The following MSRA variants were observed in gnomAD, a reference collection of about 807,000 sequenced individuals.
The protein encoded by MSRA is mitochondrial peptide methionine sulfoxide reductase.
A neutral mutation model predicts 31.3 loss-of-function variants in MSRA; 54 were observed. The ratio of observed to expected loss-of-function variants is 1.73; its 90% CI spans 1.39 to 2.17. The LOEUF is 2.17. MSRA is among the 30% of genes most tolerant of loss of function. The probability of loss-of-function intolerance (pLI) is 0.00; values close to 1 mark genes in which losing one functional copy is unlikely to be tolerated. For missense variants in MSRA, 507 were observed against 300.9 expected, an observed-to-expected ratio of 1.69 and a Z score of -5.07; for synonymous variants, 169 against 116.5, an observed-to-expected ratio of 1.45 and a Z score of -2.90.
chr8:10,088,538 C>T (rs570927404), intron 1 of MSRA, among the ~76,000 whole-genome samples: 2 of 152,212 alleles, frequency 1.3e-5, no homozygotes, highest in East Asian at 3.9e-4. Context: ...AGTTCGAGAC[C>T]AGCCCAGCCA....
rs1018624584 is a variant in MSRA, at chr8:10,113,705, A to C, written c.142+59047A>C. On this transcript the variant is annotated intron_variant, in intron 1 of 5. Transcript: ENST00000317173. ...TGGAAGACTGTTAATTTATGGTGAC[A>C]CCAATCTGTGAGTTCAGGAGATTGT... 2.1e-3 allele frequency among the ~76,000 whole-genome samples: 324 copies of C among 151,900 alleles called. 3 individuals are homozygous for C. Among genetic ancestry groups the C allele is most frequent in the Non-Finnish European group, 3.4e-3 (230 of 67,950 alleles).
At chr8:10,341,506 G>C (rs536495538) in intron 5 of MSRA, among the ~76,000 whole-genome samples, 5 of 152,304 alleles carry the variant, frequency 3.3e-5, no homozygotes, top group Admixed American at 6.5e-5. Flanking sequence ...CAGGACTGGA[G>C]ATGACATTTC....
At chr8:10,314,627 A>T (rs11249986) in intron 4 of MSRA, among the ~76,000 whole-genome samples, 1 of 152,150 alleles carries the variant, frequency 6.6e-6, no homozygotes, top group Non-Finnish European at 1.5e-5. Context: ...TGCAAACACT[A>T]TACAGCAACA....
At chr8:10,163,847 G>T (rs1431168607) in intron 1 of MSRA, among the ~76,000 whole-genome samples, 3 of 152,238 alleles carry the variant, frequency 2.0e-5, no homozygotes, top group Non-Finnish European at 1.5e-5. Context: ...GCACAGACCA[G>T]TGTGGCCCCT....
At chr8:10,103,759 G>C (rs1799687109) in intron 1 of MSRA, among the ~76,000 whole-genome samples, 1 of 151,336 alleles carries the variant, frequency 6.6e-6, no homozygotes, top group African/African-American at 2.4e-5. Flanking sequence ...CCTTCAAATA[G>C]ATAGCAAAGT....
intron 5 of MSRA, among the ~76,000 whole-genome samples, chr8:10,325,824 C>G (rs1343802658): frequency 6.6e-6 from 1 of 152,174 alleles, no homozygotes; most frequent in African/African-American, 2.4e-5. Flanking sequence ...GAGGTGACCC[C>G]CGGACTGGGC....
At chr8:10,317,091 T>C (rs1011543459) in intron 4 of MSRA, among the ~76,000 whole-genome samples, 1 of 152,200 alleles carries the variant, frequency 6.6e-6, no homozygotes, top group Non-Finnish European at 1.5e-5. Flanking sequence ...GGAGTCACTC[T>C]GTTTTCAACC....
chr8:10,296,694 G>T (rs1174734698), intron 3 of MSRA, among the ~76,000 whole-genome samples: 1 of 152,204 alleles, frequency 6.6e-6, no homozygotes, highest in Non-Finnish European at 1.5e-5. Flanking sequence ...ACTGTGCATA[G>T]AGTGGTTGGG....
chr8:10,117,339 C>T (rs1209296110), intron 1 of MSRA, among the ~76,000 whole-genome samples: 1 of 152,080 alleles, frequency 6.6e-6, no homozygotes, highest in Admixed American at 6.6e-5. Flanking sequence ...CTAGAAGGGG[C>T]AACAAACACA....
At chr8:10,056,524 CTTTT>C (rs58900236) in intron 1 of MSRA, among the ~76,000 whole-genome samples, 7 of 138,242 alleles carry the variant, frequency 5.1e-5, no homozygotes, top group Non-Finnish European at 6.1e-5. Flanking sequence ...GGCCAGTAAA[CTTTT>C]TTTTTTTTTT....
intron 5 of MSRA, among the ~76,000 whole-genome samples, chr8:10,427,236 G>GC (rs1809232959): frequency 6.6e-6 from 1 of 152,170 alleles, no homozygotes; most frequent in Non-Finnish European, 1.5e-5. Flanking sequence ...GTGGCCGTGT[G>GC]CTCACATGCT....
chr8:10,093,949 C>T (rs536516352), intron 1 of MSRA, among the ~76,000 whole-genome samples: 1 of 152,328 alleles, frequency 6.6e-6, no homozygotes, highest in East Asian at 1.9e-4. Flanking sequence ...TTTCTGGTCT[C>T]CATGGTTTTC....
chr8:10,363,980 A>G (rs1357294558), intron 5 of MSRA, among the ~76,000 whole-genome samples: 1 of 152,066 alleles, frequency 6.6e-6, no homozygotes, highest in Non-Finnish European at 1.5e-5. Context: ...TATTTACCTA[A>G]CTGAGGGTGG....
chr8:10,108,898 C>T (rs1191726469), intron 1 of MSRA, among the ~76,000 whole-genome samples: 1 of 152,132 alleles, frequency 6.6e-6, no homozygotes, highest in African/African-American at 2.4e-5. Flanking sequence ...GTAGGCAGCC[C>T]TCCCACCTCA....
chr8:10,135,160 C>G (rs1250782822), intron 1 of MSRA, among the ~76,000 whole-genome samples: 1 of 152,210 alleles, frequency 6.6e-6, no homozygotes, highest in Middle Eastern at 3.2e-3. Flanking sequence ...TTGTAATACA[C>G]AATTCTTTAT....
intron 2 of MSRA, among the ~76,000 whole-genome samples, chr8:10,224,921 C>T (rs1810861888): frequency 6.6e-6 from 1 of 152,142 alleles, no homozygotes; most frequent in Non-Finnish European, 1.5e-5. Context: ...GGAGGATCAC[C>T]TGAGGTCAGG....
chr8:10,285,244 C>T (rs1199352287), intron 3 of MSRA, among the ~76,000 whole-genome samples: 2 of 152,172 alleles, frequency 1.3e-5, no homozygotes, highest in Non-Finnish European at 2.9e-5. Context: ...GCCACCCTTC[C>T]CAATCTTACG....
At chr8:10,266,285 T>C (rs1225173908) in intron 3 of MSRA, among the ~76,000 whole-genome samples, 3 of 152,246 alleles carry the variant, frequency 2.0e-5, no homozygotes, top group African/African-American at 7.2e-5. Flanking sequence ...CTTCTAGTGA[T>C]TGTAACAGGT....
intron 1 of MSRA, among the ~76,000 whole-genome samples, chr8:10,058,683 C>A (rs1049865601): frequency 6.6e-6 from 1 of 152,182 alleles, no homozygotes; most frequent in Non-Finnish European, 1.5e-5. Flanking sequence ...AATGAAGAAA[C>A]GTTGAGATTT....
Sources: allele counts gnomAD v4.1 joint callset (sites outside exome capture counted in the v4.1 genomes callset), GRCh38; gene constraint gnomAD v4.1.1; transcripts MANE v1.5; gene names NCBI Gene and HGNC (gene_info 2026-07-23, HGNC 2026-07-21).